The following CDC14A variants were observed in gnomAD, a reference collection of about 807,000 sequenced individuals.
The protein encoded by CDC14A is dual specificity protein phosphatase CDC14A.
A neutral mutation model predicts 74.4 loss-of-function variants in CDC14A; 53 were observed. That is an observed-to-expected ratio of 0.71 (90% CI 0.57 to 0.89). The LOEUF (loss-of-function observed/expected upper bound fraction) is 0.89. Among genes scored for constraint, CDC14A ranks in the 40% least tolerant of loss-of-function variants. The probability of loss-of-function intolerance (pLI) is 0.00; values close to 1 mark genes in which losing one functional copy is unlikely to be tolerated. For missense variants in CDC14A, 646 were observed against 713.7 expected (o/e 0.91, Z 1.08); for synonymous variants, 247 against 258.4 (o/e 0.96, Z 0.43).
At chr1:100,389,729 G>A (rs1657418625) in intron 3 of CDC14A, among the ~76,000 whole-genome samples, 1 of 152,004 alleles carries the variant, frequency 6.6e-6, no homozygotes. Context: ...TTTTCTGTGT[G>A]TTGTAGTCAA....
intron 5 of CDC14A, among the ~76,000 whole-genome samples, chr1:100,425,111 T>C (rs921161388): frequency 1.3e-5 from 2 of 152,162 alleles, no homozygotes; most frequent in Admixed American, 1.3e-4. Context: ...AAGGCTGCAG[T>C]AAGCTGAGAT....
At chr1:100,477,964 T>G (rs1234614846) in intron 10 of CDC14A, among the ~76,000 whole-genome samples, 1 of 152,214 alleles carries the variant, frequency 6.6e-6, no homozygotes, top group Non-Finnish European at 1.5e-5. Flanking sequence ...TCACTGGCAG[T>G]AAGAGAGATG....
At chr1:100,352,053 GAGAA>G (rs3834080), upstream of CDC14A, among the ~76,000 whole-genome samples, 39,862 of 151,086 alleles carry the variant, frequency 0.26, 6,167 homozygotes, top group Non-Finnish European at 0.34. Context: ...GTGAGTGGGC[GAGAA>G]AGAAAGAGAA....
At chr1:100,449,511 C>T (rs139993016) in intron 7 of CDC14A, among the ~76,000 whole-genome samples, 2 of 152,296 alleles carry the variant, frequency 1.3e-5, no homozygotes, top group East Asian at 3.9e-4. Context: ...TACCCGGTGG[C>T]GGCTTCTGAG....
At chr1:100,429,482 T>C (rs1378814970) in intron 5 of CDC14A, among the ~76,000 whole-genome samples, 1 of 150,782 alleles carries the variant, frequency 6.6e-6, no homozygotes, top group Non-Finnish European at 1.5e-5. Context: ...CAGGTGTTTC[T>C]CAAAGTTATG....
intron 8 of CDC14A, among the ~76,000 whole-genome samples, chr1:100,458,617 CT>C (rs1312559842): frequency 6.6e-6 from 1 of 151,438 alleles, no homozygotes; most frequent in African/African-American, 2.4e-5. Context: ...TTTGTAAATG[CT>C]TTTTGAAGTT....
chr1:100,427,128 C>T (rs115525170), intron 5 of CDC14A, among the ~76,000 whole-genome samples: 1,915 of 151,988 alleles, frequency 0.013, 39 homozygotes, highest in African/African-American at 0.044. Flanking sequence ...TTTATTATCA[C>T]CAGGTTTAAA....
intron 4 of CDC14A, among the ~76,000 whole-genome samples, chr1:100,405,479 C>T (rs1301587079): frequency 6.6e-6 from 1 of 152,160 alleles, no homozygotes; most frequent in Non-Finnish European, 1.5e-5. Context: ...CTGCACAGAT[C>T]AACCCATCAC....
intron 10 of CDC14A, among the ~76,000 whole-genome samples, chr1:100,479,858 A>C (rs1335335525): frequency 6.6e-6 from 1 of 152,216 alleles, no homozygotes; most frequent in Non-Finnish European, 1.5e-5. Flanking sequence ...TATGGGTTCA[A>C]GTATTAAGGA....
intron 3 of CDC14A, among the ~76,000 whole-genome samples, chr1:100,389,893 G>A (rs17122366): frequency 0.011 from 1,732 of 152,104 alleles, 30 homozygotes; most frequent in African/African-American, 0.04. Context: ...CATAAATTTT[G>A]AAAAGTGAGG....
chr1:100,458,912 C>T (rs1355142703), intron 8 of CDC14A, among the ~76,000 whole-genome samples: 2 of 151,848 alleles, frequency 1.3e-5, no homozygotes, highest in Non-Finnish European at 2.9e-5. Flanking sequence ...TTTCTTTTAG[C>T]CATTTTGATT....
In CDC14A at chr1:100,504,934, C is replaced by T. The variant is rs988937484; in HGVS notation, c.1755+5672C>T. On this transcript the variant is annotated intron_variant, in intron 15 of 15. Transcript: ENST00000336454. Reference sequence around the variant, plus strand: ...CTCCCATGTCTTCTGTGAAGCTCTCCCCAGTAAGTGGAATCCACCCTATAA... The same window carrying T: ...CTCCCATGTCTTCTGTGAAGCTCTCTCCAGTAAGTGGAATCCACCCTATAA... 3.9e-6 allele frequency: 6 copies of T among 1,529,004 alleles called. No homozygotes were observed. The African/African-American group carries it at 6.9e-5, about 17-fold the overall frequency. 94.7% of individuals were successfully genotyped at this position (1,529,004 alleles called of 1,614,324 possible). A position where few individuals can be genotyped will look rare whatever the true frequency, so the allele number is the denominator to read the frequency against.
chr1:100,376,370 G>A (rs1272214612), intron 2 of CDC14A, among the ~76,000 whole-genome samples: 1 of 152,088 alleles, frequency 6.6e-6, no homozygotes, highest in Non-Finnish European at 1.5e-5. Context: ...GGAAGAGAAA[G>A]GGAAAGGATG....
intron 3 of CDC14A, among the ~76,000 whole-genome samples, chr1:100,384,792 T>C (rs1373841577): frequency 6.6e-6 from 1 of 152,230 alleles, no homozygotes; most frequent in Non-Finnish European, 1.5e-5. Context: ...TGTCTTCTTT[T>C]AAATATTGCA....
intron 10 of CDC14A, among the ~76,000 whole-genome samples, chr1:100,473,038 C>A (rs1013094118): frequency 6.6e-6 from 1 of 151,980 alleles, no homozygotes; most frequent in Non-Finnish European, 1.5e-5. Context: ...ATATTCTTAG[C>A]AATTCCACTT....
chr1:100,356,823 G>T (rs1318350673), intron 2 of CDC14A, among the ~76,000 whole-genome samples: 1 of 138,916 alleles, frequency 7.2e-6, no homozygotes, highest in Non-Finnish European at 1.5e-5. Context: ...TTGCGCCACT[G>T]CACTCTAGCC....
intron 4 of CDC14A, among the ~76,000 whole-genome samples, chr1:100,410,614 G>A (rs1334462568): frequency 2.0e-5 from 3 of 152,196 alleles, no homozygotes; most frequent in Non-Finnish European, 2.9e-5. Flanking sequence ...ACTGTGCCCG[G>A]CCAGATATAT....
chr1:100,418,003 A>G (rs1661748906), intron 4 of CDC14A, among the ~76,000 whole-genome samples: 1 of 152,180 alleles, frequency 6.6e-6, no homozygotes, highest in African/African-American at 2.4e-5. Context: ...GGGGCCCATC[A>G]GGATGTGCTT....
chr1:100,412,700 ATATATATATATATATATATATATTT>A (rs1303075478), intron 4 of CDC14A, among the ~76,000 whole-genome samples: 1 of 92,794 alleles, frequency 1.1e-5, no homozygotes, highest in Non-Finnish European at 1.8e-5. Context: ...TATGTTTTAT[ATATATATATATATATATATATATTT>A]TATATATATA....
Sources: allele counts gnomAD v4.1 joint callset (sites outside exome capture counted in the v4.1 genomes callset), GRCh38; gene constraint gnomAD v4.1.1; transcripts MANE v1.5; gene names NCBI Gene and HGNC (gene_info 2026-07-23, HGNC 2026-07-21).